The following MYRIP variants were observed in gnomAD, a reference collection of about 807,000 sequenced individuals.
MYRIP encodes myosin VIIA and Rab interacting protein.
MYRIP carries 49 observed loss-of-function variants against 98.0 expected under a neutral mutation model. The observed-to-expected ratio is 0.50, with a 90% CI of 0.40 to 0.63. MYRIP has a LOEUF of 0.63. Among genes scored for constraint, MYRIP ranks in the 30% least tolerant of loss-of-function variants. MYRIP has a pLI of 0.00. For synonymous variants in MYRIP, 404 were observed against 409.5 expected, an observed-to-expected ratio of 0.99 and a Z score of 0.16; for missense variants, 1,004 against 1,058.2, an observed-to-expected ratio of 0.95 and a Z score of 0.71.
At chr3:39,991,776 G>T (rs1946185502) in intron 2 of MYRIP, among the ~76,000 whole-genome samples, 1 of 152,024 alleles carries the variant, frequency 6.6e-6, no homozygotes, top group South Asian at 2.1e-4. Context: ...CTGCTCTATA[G>T]CTTCTTTTTT....
intron 1 of MYRIP, among the ~76,000 whole-genome samples, chr3:39,869,538 C>G (rs559298891): frequency 6.6e-6 from 1 of 152,078 alleles, no homozygotes; most frequent in African/African-American, 2.4e-5. Flanking sequence ...AAAGCCTTTG[C>G]GTACTTCTCT....
At chr3:40,068,580 T>C (rs960580072) in intron 3 of MYRIP, among the ~76,000 whole-genome samples, 2 of 152,208 alleles carry the variant, frequency 1.3e-5, no homozygotes, top group African/African-American at 4.8e-5. Flanking sequence ...TTAATCTTTT[T>C]ATCAACTTAC....
At chr3:40,007,436 C>T (rs753915968) in intron 2 of MYRIP, among the ~76,000 whole-genome samples, 1 of 152,134 alleles carries the variant, frequency 6.6e-6, no homozygotes, top group Non-Finnish European at 1.5e-5. Context: ...CGCCAACATA[C>T]GTGAATGCTT....
intron 2 of MYRIP, among the ~76,000 whole-genome samples, chr3:39,965,561 T>C (rs1376852069): frequency 6.6e-6 from 1 of 152,158 alleles, no homozygotes; most frequent in Non-Finnish European, 1.5e-5. Context: ...GAGATATATA[T>C]TAGGAGATTT....
intron 2 of MYRIP, among the ~76,000 whole-genome samples, chr3:40,019,647 A>G (rs951663664): frequency 9.9e-5 from 15 of 152,202 alleles, no homozygotes; most frequent in African/African-American, 3.6e-4. Flanking sequence ...ATAGGAGCTT[A>G]AAGTCTTGGA....
At chr3:40,050,892 C>T (rs1947782019) in intron 3 of MYRIP, among the ~76,000 whole-genome samples, 1 of 152,092 alleles carries the variant, frequency 6.6e-6, no homozygotes, top group Non-Finnish European at 1.5e-5. Context: ...AGCAAGAGAA[C>T]TAGAATTAGA....
chr3:40,097,160 T>C (rs1464703610), intron 3 of MYRIP, among the ~76,000 whole-genome samples: 2 of 152,232 alleles, frequency 1.3e-5, no homozygotes, highest in Non-Finnish European at 2.9e-5. Context: ...GCTAAAATTA[T>C]TGAGAGCTGA....
chr3:40,197,418 C>T (rs1306131803), intron 10 of MYRIP, among the ~76,000 whole-genome samples: 3 of 152,132 alleles, frequency 2.0e-5, no homozygotes, highest in Non-Finnish European at 4.4e-5. Context: ...ATAACATAAA[C>T]CGCTGAACAC....
Position 39,958,018 on chromosome 3 carries a change from C to T in MYRIP, c.110+57092C>T, listed in dbSNP as rs148132219. Among the ~76,000 whole-genome samples the T allele has an allele frequency of 2.7e-3, 408 of 151,924 alleles. 7 individuals are homozygous for T. The East Asian group carries it at 0.032, about 12-fold the overall frequency. Reference sequence around the variant, plus strand: ...AGGAGAACTACAAACCAGTGCTCCACGAAATAAAAGAGGATACAAACAAAT... The same window carrying T: ...AGGAGAACTACAAACCAGTGCTCCATGAAATAAAAGAGGATACAAACAAAT... On this transcript the variant is annotated intron_variant, in intron 2 of 16. Transcript: ENST00000302541.
chr3:40,070,892 T>A (rs1316294655), intron 3 of MYRIP, among the ~76,000 whole-genome samples: 2 of 152,160 alleles, frequency 1.3e-5, no homozygotes, highest in African/African-American at 2.4e-5. Context: ...ATGTTGGGCA[T>A]CTAAAAAGTG....
Position 40,044,036 on chromosome 3 carries a change from C to A in MYRIP, c.111-14C>A. ...TTCTCTCCTCCTCCCATTTCCCCTA[C>A]CTTGGTTTCCCAGTGAGCTGAAGCA... On this transcript the variant is annotated splice_polypyrimidine_tract_variant and intron_variant, in intron 2 of 16. Coordinates refer to ENST00000302541, the MANE Select transcript of MYRIP (RefSeq NM_015460.4). The A allele has an allele frequency of 6.2e-7, 1 of 1,612,328 alleles. No individual in the cohort carries two copies. The highest frequency in any genetic ancestry group is 8.5e-7 in the Non-Finnish European group (1 of 1,178,948).
At chr3:40,075,236 T>C (rs934092851) in intron 3 of MYRIP, among the ~76,000 whole-genome samples, 2 of 152,220 alleles carry the variant, frequency 1.3e-5, no homozygotes, top group Non-Finnish European at 2.9e-5. Flanking sequence ...TTTCCAATTC[T>C]AAATATTCAT....
chr3:39,826,872 C>T (rs1004821964), intron 1 of MYRIP, among the ~76,000 whole-genome samples: 1 of 151,932 alleles, frequency 6.6e-6, no homozygotes, highest in Admixed American at 6.6e-5. Context: ...ATTGATTGGT[C>T]TCTTTATTAT....
At chr3:40,078,534 G>C (rs1948407070) in intron 3 of MYRIP, among the ~76,000 whole-genome samples, 1 of 152,174 alleles carries the variant, frequency 6.6e-6, no homozygotes, top group Non-Finnish European at 1.5e-5. Context: ...TGAGCCCTTT[G>C]GAATTGTGAT....
chr3:40,065,609 C>T (rs566294237), intron 3 of MYRIP, among the ~76,000 whole-genome samples: 6 of 152,254 alleles, frequency 3.9e-5, no homozygotes, highest in Admixed American at 3.3e-4. Flanking sequence ...GACAAATACA[C>T]AGGAAGATGT....
chr3:40,184,255 T>C (rs1950969252), intron 9 of MYRIP, among the ~76,000 whole-genome samples: 2 of 152,248 alleles, frequency 1.3e-5, no homozygotes, highest in Admixed American at 1.3e-4. Flanking sequence ...GAAAATGGAC[T>C]GTTAGATTCC....
At chr3:40,206,595 C>T (rs1187019528) in intron 10 of MYRIP, among the ~76,000 whole-genome samples, 1 of 152,178 alleles carries the variant, frequency 6.6e-6, no homozygotes, top group African/African-American at 2.4e-5. Context: ...AGGGCCCTTC[C>T]TCTGAGTCTC....
Position 40,256,053 on chromosome 3 carries a change from C to T in MYRIP, c.2548-2081C>T, listed in dbSNP as rs77346963. On this transcript the variant is annotated intron_variant, in intron 16 of 16. Coordinates refer to ENST00000302541, the MANE Select transcript of MYRIP (RefSeq NM_015460.4). ...TATCTGCAGTGACCAGTACAGTGGC[C>T]ACTAGCCACGTGTGGCTACTGAGCA... Among the ~76,000 whole-genome samples, 232 of 152,230 alleles carry T rather than the reference C, an allele frequency of 1.5e-3. 5 individuals carry two copies. The East Asian group carries it at 0.041, about 27-fold the overall frequency.
intron 10 of MYRIP, among the ~76,000 whole-genome samples, chr3:40,202,411 G>A (rs1002690236): frequency 6.6e-6 from 1 of 152,040 alleles, no homozygotes; most frequent in East Asian, 1.9e-4. Context: ...TTTTAATTAC[G>A]GTAGGCTGGA....
Sources: allele counts gnomAD v4.1 joint callset (sites outside exome capture counted in the v4.1 genomes callset), GRCh38; gene constraint gnomAD v4.1.1; transcripts MANE v1.5; gene names NCBI Gene and HGNC (gene_info 2026-07-23, HGNC 2026-07-21).